Variants in SHANK2 observed in about 807,000 individuals in gnomAD.
SHANK2 encodes SH3 and multiple ankyrin repeat domains protein 2.
Under a neutral mutation model 133.7 loss-of-function variants are expected in SHANK2, and 43 were observed. The observed-to-expected ratio is 0.32, with a 90% CI of 0.25 to 0.41. The LOEUF is 0.41. SHANK2 is among the 10% of genes least tolerant of loss of function. The probability of loss-of-function intolerance (pLI) is 1.00; values close to 1 mark genes in which losing one functional copy is unlikely to be tolerated. For missense variants in SHANK2, 1,994 were observed against 2,235.8 expected, an observed-to-expected ratio of 0.89 and a Z score of 2.18; for synonymous variants, 1,017 against 952.8, an observed-to-expected ratio of 1.07 and a Z score of -1.24.
intron 8 of SHANK2, among the ~76,000 whole-genome samples, chr11:71,086,523 AATATAAATAT>A (rs1300235863): frequency 4.3e-5 from 6 of 140,980 alleles, no homozygotes; most frequent in Admixed American, 1.5e-4. Context: ...TATAATATAT[AATATAAATAT>A]ATATAAATAT....
intron 1 of SHANK2, among the ~76,000 whole-genome samples, chr11:71,229,100 C>T (rs1437069141): frequency 6.6e-6 from 1 of 152,172 alleles, no homozygotes; most frequent in Non-Finnish European, 1.5e-5. Flanking sequence ...TGATAAAGAA[C>T]ATCTGCGAAG....
intron 17 of SHANK2, among the ~76,000 whole-genome samples, chr11:70,595,308 C>T (rs1181299352): frequency 3.9e-5 from 6 of 152,212 alleles, no homozygotes; most frequent in Admixed American, 6.5e-5. Flanking sequence ...ACCCTCCAAG[C>T]GCCCCCTCGC....
At chr11:71,124,203 G>A (rs62638903) in intron 3 of SHANK2, among the ~76,000 whole-genome samples, 7 of 1,844 alleles carry the variant, frequency 3.8e-3, no homozygotes, top group South Asian at 0.031. Flanking sequence ...GGTGATGATG[G>A]TGGTGATGAT....
intron 16 of SHANK2, among the ~76,000 whole-genome samples, chr11:70,661,192 G>T (rs574697936): frequency 1.9e-4 from 29 of 152,178 alleles, no homozygotes; most frequent in Non-Finnish European, 3.7e-4. Context: ...TGAAACTCAG[G>T]CCAGGGCAAT....
chr11:70,734,410 C>T (rs1946357944), intron 14 of SHANK2, among the ~76,000 whole-genome samples: 2 of 152,156 alleles, frequency 1.3e-5, no homozygotes, highest in South Asian at 2.1e-4. Flanking sequence ...GCCAGTGGGC[C>T]GCCTGACTCC....
At chr11:70,528,434 A>G (rs1438228304) in intron 17 of SHANK2, among the ~76,000 whole-genome samples, 4 of 152,110 alleles carry the variant, frequency 2.6e-5, no homozygotes, top group Non-Finnish European at 5.9e-5. Flanking sequence ...GTCCCACAAG[A>G]ACACCCCAGT....
intron 14 of SHANK2, among the ~76,000 whole-genome samples, chr11:70,750,437 A>T (rs1255596704): frequency 6.6e-6 from 1 of 152,232 alleles, no homozygotes; most frequent in African/African-American, 2.4e-5. Context: ...TGGTCCACAC[A>T]TGTGGAGGAA....
chr11:70,471,467 C>T lies in SHANK2; in HGVS notation c.*1402G>A. ...GGTATTGTTATGGGGTGGAGGGACT[C>T]CGGGGAAAGAAAGGGGCGGGGCTCA... On this transcript the variant is annotated 3_prime_UTR_variant, in exon 26 of 26. Transcript: ENST00000601538. The surrounding 1 kb of genome is among the most constrained non-coding windows in gnomAD (Gnocchi z 4.1). 2.5e-6 allele frequency: 1 copy of T among 398,658 alleles called. No homozygotes were observed. Among genetic ancestry groups the T allele is most frequent in the East Asian group, 3.6e-5 (1 of 28,072 alleles). The allele number at this position is 398,658 out of a possible 1,614,324, so 24.7% of individuals were successfully genotyped here.
At chr11:70,721,594 G>C (rs1365801540) in intron 14 of SHANK2, among the ~76,000 whole-genome samples, 3 of 152,214 alleles carry the variant, frequency 2.0e-5, no homozygotes, top group African/African-American at 7.2e-5. Flanking sequence ...TTCTTACTGA[G>C]GCAGTTCTGC....
intron 12 of SHANK2, among the ~76,000 whole-genome samples, chr11:70,815,175 A>ACACACAC (rs1948363761): frequency 4.2e-5 from 5 of 119,648 alleles, no homozygotes; most frequent in African/African-American, 1.2e-4. Context: ...TGGGAGAAGA[A>ACACACAC]ACACACACAC....
intron 14 of SHANK2, among the ~76,000 whole-genome samples, chr11:70,716,897 C>A (rs1005809208): frequency 4.0e-4 from 20 of 50,032 alleles, no homozygotes; most frequent in East Asian, 9.9e-4. Flanking sequence ...GTCCCGGAGC[C>A]CCCCCCCCGC....
At chr11:70,527,276 G>A (rs571492900) in intron 17 of SHANK2, among the ~76,000 whole-genome samples, 48 of 152,226 alleles carry the variant, frequency 3.2e-4, no homozygotes, top group African/African-American at 1.1e-3. Flanking sequence ...CCTGGGGAGG[G>A]TGTGGTGCCG....
rs1367928639 is a variant in SHANK2 at position 70,500,284 on chromosome 11, C to T, written c.2308+286G>A. Among the ~76,000 whole-genome samples, 8 of 152,118 alleles carry T rather than the reference C, an allele frequency of 5.3e-5. No homozygotes were observed. Among genetic ancestry groups the T allele is most frequent in the Admixed American group, 4.6e-4 (7 of 15,286 alleles). ...CTGCAACCCCCCATCCAGGCAGCCCCAGCTGAGACCAAACAGGGGTCCGGC... is the reference window on the plus strand; with the variant it reads ...CTGCAACCCCCCATCCAGGCAGCCCTAGCTGAGACCAAACAGGGGTCCGGC... On this transcript the variant is annotated intron_variant, in intron 21 of 25. Coordinates refer to ENST00000601538, the MANE Select transcript of SHANK2 (RefSeq NM_012309.5). The surrounding 1 kb of genome is among the most constrained non-coding windows in gnomAD (Gnocchi z 4.5).
chr11:70,823,608 G>C (rs2135367095), intron 11 of SHANK2, among the ~76,000 whole-genome samples: 1 of 148,526 alleles, frequency 6.7e-6, no homozygotes. Flanking sequence ...GCGTTCACGG[G>C]GGACAGAGGT....
intron 2 of SHANK2, among the ~76,000 whole-genome samples, chr11:71,182,071 A>G (rs1953570118): frequency 6.6e-6 from 1 of 152,036 alleles, no homozygotes; most frequent in African/African-American, 2.4e-5. Context: ...CTGAGGAGGA[A>G]CAGAAATCTG....
intron 14 of SHANK2, among the ~76,000 whole-genome samples, chr11:70,752,662 C>T (rs576113738): frequency 9.8e-5 from 14 of 143,524 alleles, no homozygotes; most frequent in Non-Finnish European, 1.6e-4. Flanking sequence ...GCCGAAATCG[C>T]GCCACTGCAC....
At chr11:71,161,532 T>C (rs1390872542) in intron 2 of SHANK2, among the ~76,000 whole-genome samples, 3 of 152,214 alleles carry the variant, frequency 2.0e-5, no homozygotes, top group African/African-American at 4.8e-5. Context: ...AATAAGAACC[T>C]TGGTCTCCAA....
intron 17 of SHANK2, among the ~76,000 whole-genome samples, chr11:70,607,119 C>T (rs948190): frequency 0.51 from 76,947 of 151,962 alleles, 19,856 homozygotes; most frequent in East Asian, 0.63. Flanking sequence ...CAGACGGGGG[C>T]GGCCTTCCTG....
At position 71,061,859 on chromosome 11, in the gene SHANK2, G is replaced by A. The variant is rs961788212; in HGVS notation, c.1030-5301C>T. 7.9e-3 allele frequency among the ~76,000 whole-genome samples: 1,196 copies of A among 151,802 alleles called. 11 individuals are homozygous for A. The highest frequency in any genetic ancestry group is 0.027 in the African/African-American group (1,111 of 41,352). ...CCAGTCCCGACCTAGCCCTTCCCCC[G>A]CTCTGCCCCAGCTGCAGGACTTGCC... is the stretch of plus-strand genomic sequence containing the variant. On this transcript the variant is annotated intron_variant, in intron 9 of 25. Coordinates refer to ENST00000601538, the MANE Select transcript of SHANK2 (RefSeq NM_012309.5).
Sources: allele counts gnomAD v4.1 joint callset (sites outside exome capture counted in the v4.1 genomes callset), GRCh38; gene constraint gnomAD v4.1.1; non-coding constraint Gnocchi (gnomAD v3.1); transcripts MANE v1.5; gene names NCBI Gene and HGNC (gene_info 2026-07-23, HGNC 2026-07-21).